Variants in ZNF565 observed in about 807,000 individuals in gnomAD.
ZNF565 encodes zinc finger protein 565.
ZNF565 carries 27 observed loss-of-function variants against 39.4 expected under a neutral mutation model. That is an observed-to-expected ratio of 0.69 (90% CI 0.51 to 0.95). The LOEUF (loss-of-function observed/expected upper bound fraction) is 0.95, where lower values mean the gene tolerates loss of function less well. ZNF565 is among the 40% of genes least tolerant of loss of function. The probability of loss-of-function intolerance (pLI) is 0.00; values close to 1 mark genes in which losing one functional copy is unlikely to be tolerated. For synonymous variants in ZNF565, 185 were observed against 216.6 expected (o/e 0.85, Z 1.28); for missense variants, 524 against 621.1 (o/e 0.84, Z 1.66).
At chr19:36,231,440 C>T (rs1357610029) in intron 1 of ZNF565, among the ~76,000 whole-genome samples, 1 of 152,114 alleles carries the variant, frequency 6.6e-6, no homozygotes, top group African/African-American at 2.4e-5. Context: ...AACTCCTGAC[C>T]TCAAGTGATC....
Position 36,182,572 on chromosome 19 carries a change from T to C in ZNF565, c.1394A>G (p.His465Arg). 6.2e-7 allele frequency: 1 copy of C among 1,614,058 alleles called. No individual in the cohort carries two copies. The highest frequency in any genetic ancestry group is 8.5e-7 in the Non-Finnish European group (1 of 1,179,956). The change falls in exon 5 of 5, where the codon CAT becomes CGT. Residue 465 changes from histidine to arginine, a missense_variant. Coordinates refer to ENST00000304116, the MANE Select transcript of ZNF565 (RefSeq NM_152477.5). ...AFIRSSQLTE[H>R]QRIHPGIKPY... Reference sequence around the variant, plus strand: ...TTTGATACCAGGATGAATTCTCTGATGTTCGGTAAGTTGTGAACTACGAAT... The same window carrying C: ...TTTGATACCAGGATGAATTCTCTGACGTTCGGTAAGTTGTGAACTACGAAT...
intron 1 of ZNF565, among the ~76,000 whole-genome samples, chr19:36,213,671 C>T (rs1476045832): frequency 6.6e-6 from 1 of 151,838 alleles, no homozygotes; most frequent in Non-Finnish European, 1.5e-5. Context: ...CAGGTGTGAG[C>T]CACCGTGCCA....
At chr19:36,191,187 A>G (rs1207635300) in intron 4 of ZNF565, among the ~76,000 whole-genome samples, 3 of 151,646 alleles carry the variant, frequency 2.0e-5, no homozygotes, top group African/African-American at 4.8e-5. Context: ...TTTGACCCAC[A>G]GATTGCAGTT....
chr19:36,221,270 A>C (rs1221006956), intron 1 of ZNF565, among the ~76,000 whole-genome samples: 1 of 145,848 alleles, frequency 6.9e-6, no homozygotes, highest in African/African-American at 2.5e-5. Flanking sequence ...TGTTGTTTTC[A>C]GGTTAAGGGA....
chr19:36,220,518 C>G (rs1976790555), intron 1 of ZNF565, among the ~76,000 whole-genome samples: 1 of 151,928 alleles, frequency 6.6e-6, no homozygotes, highest in South Asian at 2.1e-4. Flanking sequence ...GTGCATGCCA[C>G]CACGCCCAGC....
chr19:36,236,447 C>G (rs755240566), intron 1 of ZNF565: 34 of 1,599,430 alleles, frequency 2.1e-5, no homozygotes, highest in Non-Finnish European at 2.8e-5. Context: ...TCAGATGTCA[C>G]ACCTCAGCCA....
rs1308557395 is a variant in ZNF565, at chr19:36,183,376, C to A, written c.590G>T (p.Cys197Phe). Residue 197 changes from cysteine to phenylalanine, a missense_variant, in exon 5 of 5, where the codon TGT becomes TTT. Physicochemically the swap from Cys to Phe is radical, Grantham distance 205. Transcript: ENST00000304116. ...GCTGAAGGCCTTCCCACATTCCTTA[C>A]ATCCAAAGGGTTTTTCACCAGTGTG... The part of the protein sequence containing the change: ...KIHTGEKPFG[C>F]KECGKAFSRA... The A allele has an allele frequency of 3.1e-6, 5 of 1,608,556 alleles. No homozygotes were observed. In the East Asian group the frequency reaches 6.7e-5, roughly 22 times the overall value.
chr19:36,201,951 T>G, intron 2 of ZNF565, 26 bp downstream of exon 2: 1 of 1,613,408 alleles, frequency 6.2e-7, no homozygotes, highest in East Asian at 2.2e-5. Flanking sequence ...CAGATCATTC[T>G]AAGGATAGAA....
intron 1 of ZNF565, among the ~76,000 whole-genome samples, chr19:36,234,689 G>A (rs1977569879): frequency 1.3e-5 from 2 of 152,178 alleles, no homozygotes; most frequent in Admixed American, 1.3e-4. Flanking sequence ...GAGCCACTGC[G>A]CCCGGCCAGC....
At chr19:36,233,801 T>C (rs1234063233) in intron 1 of ZNF565, among the ~76,000 whole-genome samples, 1 of 152,242 alleles carries the variant, frequency 6.6e-6, no homozygotes, top group Non-Finnish European at 1.5e-5. Flanking sequence ...AATCCAGCTT[T>C]ACACGGAGAC....
intron 2 of ZNF565, among the ~76,000 whole-genome samples, chr19:36,197,584 C>T (rs745314803): frequency 3.9e-5 from 6 of 151,960 alleles, no homozygotes; most frequent in African/African-American, 7.3e-5. Flanking sequence ...TGCATAATAT[C>T]GTATGTTATG....
chr19:36,192,442 C>T (rs577058611), intron 4 of ZNF565, among the ~76,000 whole-genome samples: 1 of 152,034 alleles, frequency 6.6e-6, no homozygotes, highest in East Asian at 2.0e-4. Flanking sequence ...AAAAAATACT[C>T]ATTAAGAGGA....
Position 36,241,305 on chromosome 19 carries a change from A to G in ZNF565, c.55+4171T>C, listed in dbSNP as rs1410810053. ...TCGAGACCAGCCTGGCCAGCATGGC[A>G]AAACCCCGCCTCTACTAAAAATACA... On this transcript the variant is annotated intron_variant, in intron 1 of 4. Coordinates refer to the ZNF565 transcript ENST00000355114. Among the ~76,000 whole-genome samples the G allele has an allele frequency of 2.7e-5, 4 of 150,108 alleles. No homozygotes were observed. The South Asian group carries it at 6.3e-4, about 24-fold the overall frequency.
At chr19:36,193,270 A>C (rs1388032610) in intron 4 of ZNF565, among the ~76,000 whole-genome samples, 1 of 151,346 alleles carries the variant, frequency 6.6e-6, no homozygotes, top group Non-Finnish European at 1.5e-5. Context: ...GGTGTGAGCC[A>C]CCACGTCTGG....
intron 1 of ZNF565, chr19:36,213,143 AG>A (rs1976425543): frequency 6.6e-6 from 1 of 152,172 alleles, no homozygotes; most frequent in Non-Finnish European, 1.5e-5. Flanking sequence ...GCATGGGTCA[AG>A]CACTAGAGTC....
rs770572802 is a variant in ZNF565 at position 36,182,641 on chromosome 19, G to A, written c.1325C>T (p.Thr442Ile). The change falls in exon 5 of 5, where the codon ACT becomes ATT. Residue 442 changes from threonine (T) to isoleucine (I), a missense_variant. Physicochemically the swap from Thr to Ile is moderately conservative, Grantham distance 89 (BLOSUM62 -1). Coordinates refer to ENST00000304116, the MANE Select transcript of ZNF565 (RefSeq NM_152477.5). ...SQLTHHQRIH[T>I]CEKPYECREC... ...CCTGCATTCATAGGGTTTCTCACAAGTGTGAATTCGCTGATGATGAGTCAG... is the reference window on the plus strand; with the variant it reads ...CCTGCATTCATAGGGTTTCTCACAAATGTGAATTCGCTGATGATGAGTCAG... The A allele has an allele frequency of 1.2e-6, 2 of 1,614,004 alleles. No homozygotes were observed. The highest frequency in any genetic ancestry group is 1.7e-6 in the Non-Finnish European group (2 of 1,179,976).
chr19:36,244,784 G>A (rs560153809), intron 1 of ZNF565, among the ~76,000 whole-genome samples: 2 of 151,554 alleles, frequency 1.3e-5, no homozygotes, highest in Admixed American at 6.6e-5. Flanking sequence ...CCGGGAGGTG[G>A]AGGTTGCAGT....
chr19:36,230,579 T>C (rs1245267997), intron 1 of ZNF565, among the ~76,000 whole-genome samples: 1 of 152,076 alleles, frequency 6.6e-6, no homozygotes, highest in Non-Finnish European at 1.5e-5. Context: ...GCGTGCAGCA[T>C]TGGGTGGAAG....
chr19:36,182,982 G>GTGTAC lies in ZNF565; in HGVS notation c.983_984insGTACA (p.Ile328MetfsTer109). 6.2e-7 allele frequency: 1 copy of GTGTAC among 1,613,992 alleles called. No individual in the cohort carries two copies. Among genetic ancestry groups the GTGTAC allele is most frequent in the Non-Finnish European group, 8.5e-7 (1 of 1,179,998 alleles). Reference sequence around the variant, plus strand: ...ACTCGTAGGGTTTCTCACCAGTGTGGATTCGCTGGTGTACAGTCAGCTGTG... The same window carrying GTGTAC: ...ACTCGTAGGGTTTCTCACCAGTGTGGTGTACATTCGCTGGTGTACAGTCAGCTGTG... On this transcript the variant is annotated frameshift_variant, in exon 5 of 5. Transcript: ENST00000304116. LOFTEE classifies it high-confidence loss of function.
Sources: allele counts gnomAD v4.1 joint callset (sites outside exome capture counted in the v4.1 genomes callset), GRCh38; gene constraint gnomAD v4.1.1; transcripts MANE v1.5; gene names NCBI Gene and HGNC (gene_info 2026-07-23, HGNC 2026-07-21).